The following DISP1 variants were observed in gnomAD, a reference collection of about 807,000 sequenced individuals.
DISP1 encodes dispatched RND transporter family member 1, also known as protein dispatched homolog 1.
In DISP1, 30 loss-of-function variants were observed where a neutral mutation model predicts 37.3. That is an observed-to-expected ratio of 0.80 (90% confidence interval 0.60 to 1.09). The LOEUF is 1.09. DISP1 is among the 50% of genes least tolerant of loss of function. The probability of loss-of-function intolerance (pLI) is 0.00; values close to 1 mark genes in which losing one functional copy is unlikely to be tolerated. For missense variants in DISP1, 1,598 were observed against 1,879.5 expected (o/e 0.85, Z 2.77); for synonymous variants, 634 against 690.2 (o/e 0.92, Z 1.28).
intron 1 of DISP1, among the ~76,000 whole-genome samples, chr1:222,857,326 T>C (rs1180615702): frequency 6.6e-6 from 1 of 151,948 alleles, no homozygotes; most frequent in South Asian, 2.1e-4. Context: ...TTGTAGACTT[T>C]GGAATTGGAC....
At chr1:222,949,449 CT>C (rs1283435321) in intron 3 of DISP1, among the ~76,000 whole-genome samples, 1 of 151,676 alleles carries the variant, frequency 6.6e-6, no homozygotes, top group Non-Finnish European at 1.5e-5. Context: ...TTTAATATGT[CT>C]ATTTTAATTA....
chr1:222,857,415 T>A (rs78053168), intron 1 of DISP1, among the ~76,000 whole-genome samples: 1 of 152,194 alleles, frequency 6.6e-6, no homozygotes, highest in Non-Finnish European at 1.5e-5. Context: ...AACATAGTAT[T>A]GGAAGTTCTG....
intron 3 of DISP1, among the ~76,000 whole-genome samples, chr1:222,957,287 G>A (rs1173870995): frequency 6.6e-6 from 1 of 151,808 alleles, no homozygotes; most frequent in Non-Finnish European, 1.5e-5. Flanking sequence ...AGAAAAATGT[G>A]TTTAAAAATG....
chr1:222,948,242 G>A (rs928140039), intron 3 of DISP1, among the ~76,000 whole-genome samples: 3 of 152,162 alleles, frequency 2.0e-5, no homozygotes, highest in Non-Finnish European at 4.4e-5. Context: ...TGCACTGAGG[G>A]CAATACTGGT....
intron 1 of DISP1, among the ~76,000 whole-genome samples, chr1:222,844,122 A>G (rs1211154553): frequency 6.6e-6 from 1 of 152,152 alleles, no homozygotes; most frequent in Non-Finnish European, 1.5e-5. Context: ...AGTTGTTTTT[A>G]TCAGGCTTTA....
intron 2 of DISP1, among the ~76,000 whole-genome samples, chr1:222,936,537 C>CTA (rs1305804923): frequency 3.0e-4 from 37 of 123,750 alleles, no homozygotes; most frequent in South Asian, 2.8e-3. Context: ...GTCTCTCTCT[C>CTA]TCTCTATATA....
chr1:222,939,898 G>A (rs1407593842), intron 2 of DISP1, among the ~76,000 whole-genome samples: 1 of 151,934 alleles, frequency 6.6e-6, no homozygotes, highest in African/African-American at 2.4e-5. Context: ...GGCTGAGGCG[G>A]GCGGATCACG....
At chr1:222,953,982 G>A (rs1032709811) in intron 3 of DISP1, among the ~76,000 whole-genome samples, 3 of 151,906 alleles carry the variant, frequency 2.0e-5, no homozygotes, top group African/African-American at 7.3e-5. Flanking sequence ...TTAGAATGAA[G>A]CAAGTATATT....
At chr1:222,931,432 G>T (rs972979199) in intron 2 of DISP1, among the ~76,000 whole-genome samples, 2 of 151,912 alleles carry the variant, frequency 1.3e-5, no homozygotes, top group Non-Finnish European at 2.9e-5. Flanking sequence ...CTGGGGAAGA[G>T]CTATAGTGAT....
intron 1 of DISP1, among the ~76,000 whole-genome samples, chr1:222,912,888 A>G (rs1330942731): frequency 6.6e-6 from 1 of 152,194 alleles, no homozygotes; most frequent in Admixed American, 6.6e-5. Flanking sequence ...ATGTGCTTTC[A>G]TGTCTGAGTA....
chr1:222,868,421 T>G (rs1371514155), intron 1 of DISP1, among the ~76,000 whole-genome samples: 1 of 152,096 alleles, frequency 6.6e-6, no homozygotes, highest in African/African-American at 2.4e-5. Flanking sequence ...TGAGTGAGCC[T>G]GGAGAAATAA....
chr1:222,861,093 A>C (rs1241898976), intron 1 of DISP1, among the ~76,000 whole-genome samples: 3 of 152,180 alleles, frequency 2.0e-5, no homozygotes, highest in Non-Finnish European at 4.4e-5. Flanking sequence ...TCCTAGGGCC[A>C]GGGTATCTTC....
At chr1:222,945,479 C>T (rs79424479) in intron 3 of DISP1, among the ~76,000 whole-genome samples, 13,914 of 152,124 alleles carry the variant, frequency 0.091, 678 homozygotes, top group South Asian at 0.18. Flanking sequence ...GAAGCTGATA[C>T]CTCCTCTTAA....
chr1:222,903,384 C>T (rs1671718391), intron 1 of DISP1, among the ~76,000 whole-genome samples: 1 of 150,626 alleles, frequency 6.6e-6, no homozygotes, highest in Middle Eastern at 3.4e-3. Flanking sequence ...ACCAACGTGG[C>T]ATATGTATAC....
At chr1:222,991,207 T>G (rs1678673460) in intron 5 of DISP1, among the ~76,000 whole-genome samples, 1 of 152,232 alleles carries the variant, frequency 6.6e-6, no homozygotes, top group Admixed American at 6.5e-5. Context: ...GTAACATGAT[T>G]TAATTTGATC....
intron 7 of DISP1, among the ~76,000 whole-genome samples, chr1:222,993,366 A>G (rs1678840579): frequency 6.6e-6 from 1 of 152,248 alleles, no homozygotes; most frequent in Non-Finnish European, 1.5e-5. Flanking sequence ...AATTGTGGAT[A>G]GTATAATTTT....
intron 1 of DISP1, among the ~76,000 whole-genome samples, chr1:222,913,227 A>T (rs1315432897): frequency 5.3e-5 from 8 of 152,220 alleles, no homozygotes; most frequent in Admixed American, 2.0e-4. Flanking sequence ...TACAATAGTT[A>T]GAAGTGAAAT....
In DISP1 at chr1:223,005,833, A is replaced by C; in HGVS notation, c.4436A>C (p.Asn1479Thr). Residue 1479 changes from asparagine (N) to threonine (T), a missense_variant, in exon 9 of 9, where the codon AAT becomes ACT. Coordinates refer to ENST00000675850, the MANE Select transcript of DISP1 (RefSeq NM_001377229.1). ...GCTGGTTGTAGGTCTTGCCCAAATA[A>C]TTCACAAAGTTGTGGCAGAATTGTG... ...GEAGCRSCPN[N>T]SQSCGRIVRV... 6.2e-7 allele frequency: 1 copy of C among 1,614,232 alleles called. No individual in the cohort carries two copies.
At chr1:222,827,781 A>T (rs1052781894) in intron 1 of DISP1, among the ~76,000 whole-genome samples, 2 of 152,168 alleles carry the variant, frequency 1.3e-5, no homozygotes, top group Non-Finnish European at 2.9e-5. Context: ...TCTTGTGAAA[A>T]TCTAAACATA....
Sources: allele counts gnomAD v4.1 joint callset (sites outside exome capture counted in the v4.1 genomes callset), GRCh38; gene constraint gnomAD v4.1.1; transcripts MANE v1.5; gene names NCBI Gene and HGNC (gene_info 2026-07-23, HGNC 2026-07-21).